The following ZNF813 variants were observed in gnomAD, a reference collection of about 807,000 sequenced individuals.
The protein encoded by ZNF813 is zinc finger protein 813.
A neutral mutation model predicts 7.2 loss-of-function variants in ZNF813; 3 were observed. The observed-to-expected ratio is 0.42, with a 90% confidence interval of 0.19 to 1.08. The LOEUF is 1.08. Among genes scored for constraint, ZNF813 ranks in the 50% least tolerant of loss-of-function variants. ZNF813 has a pLI of 0.30. For synonymous variants in ZNF813, 227 were observed against 256.3 expected, an observed-to-expected ratio of 0.89 and a Z score of 1.09; for missense variants, 714 against 753.3, an observed-to-expected ratio of 0.95 and a Z score of 0.61.
At chr19:53,473,105 C>G (rs2086367303) in intron 1 of ZNF813, among the ~76,000 whole-genome samples, 1 of 152,182 alleles carries the variant, frequency 6.6e-6, no homozygotes, top group African/African-American at 2.4e-5. Flanking sequence ...TCATATCCAG[C>G]AAGGACAGAA....
Position 53,491,100 on chromosome 19 carries a change from C to G in ZNF813, c.868C>G (p.Arg290Gly), listed in dbSNP as rs375807466. ...TCAGACGTATTCCCTTACATGCCAT[C>G]GTAGACTTCATACTGGAGAGAAACC... ...FSQTYSLTCH[R>G]RLHTGEKPYK... The change falls in exon 4 of 4, where the codon CGT becomes GGT. Residue 290 changes from arginine to glycine, a missense_variant. Physicochemically the swap from Arg to Gly is moderately radical, Grantham distance 125. Around this residue, in one of 3 missense-constraint regions of ZNF813, gnomAD observed 563 missense variants for 554.2 expected, o/e 1.02. Coordinates refer to ENST00000396403, the MANE Select transcript of ZNF813 (RefSeq NM_001004301.4). 5.6e-6 allele frequency: 9 copies of G among 1,613,916 alleles called. No homozygotes were observed. The highest frequency in any genetic ancestry group is 7.6e-6 in the Non-Finnish European group (9 of 1,179,992).
chr19:53,492,728 A>G lies in ZNF813; in HGVS notation c.*642A>G, dbSNP rs1052392788. ...GATCATACAAGTGTAATAATCGGCA[A>G]ATTTTTCAGACATCGTCCATACCTT... On this transcript the variant is annotated 3_prime_UTR_variant, in exon 4 of 4. Transcript: ENST00000396403. 1.4e-5 allele frequency: 9 copies of G among 660,760 alleles called. No individual in the cohort carries two copies. The highest frequency in any genetic ancestry group is 5.5e-5 in the African/African-American group (3 of 54,410). The allele number at this position is 660,760 out of a possible 1,614,324, so 40.9% of individuals were successfully genotyped here.
rs1217058945 is a variant in ZNF813, at chr19:53,493,321, TATTA to T, written c.*1239_*1242del. On this transcript the variant is annotated 3_prime_UTR_variant, in exon 4 of 4. Transcript: ENST00000396403. ...ATTGGGTTATATAATCATTTAACAA[TATTA>T]ATTTTTCCAATCCATCAATATGGGT... The T allele has an allele frequency of 6.4e-6, 1 of 157,468 alleles. No homozygotes were observed. Among genetic ancestry groups the T allele is most frequent in the Non-Finnish European group, 1.4e-5 (1 of 71,460 alleles). 9.8% of individuals were successfully genotyped at this position (157,468 alleles called of 1,614,324 possible).
intron 1 of ZNF813, among the ~76,000 whole-genome samples, chr19:53,474,211 G>A (rs1286625603): frequency 6.6e-6 from 1 of 152,128 alleles, no homozygotes; most frequent in African/African-American, 2.4e-5. Context: ...AGCATATACC[G>A]ACATCCTCTG....
At chr19:53,479,616 T>G (rs1051513016) in intron 1 of ZNF813, 1 of 1,210,364 alleles carries the variant, frequency 8.3e-7, no homozygotes, top group East Asian at 2.4e-5. Flanking sequence ...GTGAGAGAGA[T>G]ACAAAGGTTA....
At chr19:53,484,570 A>G (rs892966851) in intron 2 of ZNF813, among the ~76,000 whole-genome samples, 2 of 152,102 alleles carry the variant, frequency 1.3e-5, no homozygotes, top group African/African-American at 2.4e-5. Context: ...TGATAATATT[A>G]TTGTATTTTA....
chr19:53,473,785 G>C (rs1454727414), intron 1 of ZNF813, among the ~76,000 whole-genome samples: 2 of 152,078 alleles, frequency 1.3e-5, no homozygotes, highest in African/African-American at 4.8e-5. Flanking sequence ...CTAGTTCTTG[G>C]AGATCACTTT....
intron 1 of ZNF813, among the ~76,000 whole-genome samples, chr19:53,480,560 T>C (rs964732764): frequency 5.9e-5 from 9 of 152,194 alleles, no homozygotes; most frequent in Non-Finnish European, 1.3e-4. Context: ...AAGGTCTGCA[T>C]GCTTTCTAGT....
intron 3 of ZNF813, among the ~76,000 whole-genome samples, chr19:53,487,946 A>G (rs1412276378): frequency 6.6e-6 from 1 of 152,186 alleles, no homozygotes; most frequent in Non-Finnish European, 1.5e-5. Flanking sequence ...TTTAAATAAT[A>G]GAAAAAAAGT....
chr19:53,468,808 T>G (rs1195057174), intron 1 of ZNF813, among the ~76,000 whole-genome samples: 2 of 132,190 alleles, frequency 1.5e-5, no homozygotes, highest in Admixed American at 1.4e-4. Context: ...CACCTAGACA[T>G]TCCATTCCCA....
chr19:53,475,631 C>T (rs1167714569), intron 1 of ZNF813, among the ~76,000 whole-genome samples: 2 of 139,966 alleles, frequency 1.4e-5, no homozygotes, highest in African/African-American at 5.2e-5. Context: ...GTGTGGCACC[C>T]AGACGGTTAG....
chr19:53,479,493 G>A (rs2086397340), intron 1 of ZNF813: 5 of 1,433,034 alleles, frequency 3.5e-6, no homozygotes, highest in Non-Finnish European at 4.9e-6. Flanking sequence ...AGGCTGAAGT[G>A]GCCTCCGTGA....
Position 53,492,787 on chromosome 19 carries a change from C to A in ZNF813, c.*701C>A. On this transcript the variant is annotated 3_prime_UTR_variant, in exon 4 of 4. Coordinates refer to ENST00000396403, the MANE Select transcript of ZNF813 (RefSeq NM_001004301.4). ...TTGGCGAACTCATACTGGAGACAAA[C>A]CTTATAAATGTCATGATTGAGGCAA... is the stretch of plus-strand genomic sequence containing the variant. 1 of 539,232 alleles carries A rather than the reference C, an allele frequency of 1.9e-6. No individual in the cohort carries two copies. The highest frequency in any genetic ancestry group is 3.5e-6 in the Non-Finnish European group (1 of 288,564). The allele number at this position is 539,232 out of a possible 1,614,324, so 33.4% of individuals were successfully genotyped here.
chr19:53,490,465 A>G lies in ZNF813; in HGVS notation c.233A>G (p.Glu78Gly), dbSNP rs140217321. The change falls in exon 4 of 4, where the codon GAA becomes GGA. Residue 78 changes from glutamate to glycine, a missense_variant. By Grantham distance (98) the Glu-to-Gly change is moderately conservative (BLOSUM62 -2). Around this residue, in one of 3 missense-constraint regions of ZNF813, gnomAD observed 563 missense variants for 554.2 expected, o/e 1.02. Transcript: ENST00000396403. ...CACACAGGGACATTGCAAAGACATG[A>G]AAGTCATCACACTGGAGACTTTCGC... ...VIHTGTLQRH[E>G]SHHTGDFRFQ... The G allele has an allele frequency of 0.012, 18,785 of 1,614,188 alleles. 162 individuals carry two copies. Among genetic ancestry groups the G allele is most frequent in the Non-Finnish European group, 0.013 (15,229 of 1,180,028 alleles).
chr19:53,468,403 A>T (rs2086339029), intron 1 of ZNF813, among the ~76,000 whole-genome samples: 1 of 150,618 alleles, frequency 6.6e-6, no homozygotes, highest in Admixed American at 6.6e-5. Context: ...TGAGAAAAGA[A>T]ATAAGACACA....
At position 53,484,816 on chromosome 19, in the gene ZNF813, T is replaced by G. The variant is rs149148213; in HGVS notation, c.15+979T>G. ...GCTGATCTCAGGTGATCTGCCCACCTCAGTCTCCCAGAGTGCTGGGATTAC... is the reference window on the plus strand; with the variant it reads ...GCTGATCTCAGGTGATCTGCCCACCGCAGTCTCCCAGAGTGCTGGGATTAC... On this transcript the variant is annotated intron_variant, in intron 2 of 3. Transcript: ENST00000396403. Among the ~76,000 whole-genome samples the G allele has an allele frequency of 1.6e-3, 238 of 152,370 alleles. 3 individuals are homozygous for G. In the East Asian group the frequency reaches 0.027, roughly 17 times the overall value.
Position 53,493,031 on chromosome 19 carries a change from A to G in ZNF813, c.*945A>G. On this transcript the variant is annotated 3_prime_UTR_variant, in exon 4 of 4. Transcript: ENST00000396403. ...AGAATATCAGAAAATTCATTTTGAG[A>G]TAATTGTTCCAAATGCAATGAGTAG... The G allele has an allele frequency of 2.4e-6, 1 of 415,278 alleles. No homozygotes were observed. Among genetic ancestry groups the G allele is most frequent in the South Asian group, 1.8e-5 (1 of 54,756 alleles). 25.7% of individuals were successfully genotyped at this position (415,278 alleles called of 1,614,324 possible). A position where few individuals can be genotyped will look rare whatever the true frequency, so the allele number is the denominator to read the frequency against.
chr19:53,477,029 A>T (rs1278477525), intron 1 of ZNF813, among the ~76,000 whole-genome samples: 1 of 152,172 alleles, frequency 6.6e-6, no homozygotes, highest in African/African-American at 2.4e-5. Context: ...TTGTCTTATG[A>T]AATGCAAAGA....
chr19:53,482,273 CTGTA>C (rs952799541), intron 1 of ZNF813, among the ~76,000 whole-genome samples: 2 of 152,210 alleles, frequency 1.3e-5, no homozygotes, highest in African/African-American at 4.8e-5. Flanking sequence ...AGGCCTTTCT[CTGTA>C]TGAGGACATC....
Sources: allele counts gnomAD v4.1 joint callset (sites outside exome capture counted in the v4.1 genomes callset), GRCh38; gene constraint gnomAD v4.1.1; regional missense constraint gnomAD v4.1.1; transcripts MANE v1.5; gene names NCBI Gene and HGNC (gene_info 2026-07-23, HGNC 2026-07-21).